The following RBFOX1 variants were observed in gnomAD, a reference collection of about 807,000 sequenced individuals.
The protein encoded by RBFOX1 is RNA binding protein fox-1 homolog 1.
Under a neutral mutation model 57.7 loss-of-function variants are expected in RBFOX1, and 8 were observed. The ratio of observed to expected loss-of-function variants is 0.14; its 90% confidence interval spans 0.08 to 0.25. RBFOX1 has a LOEUF of 0.25. RBFOX1 is among the 10% of genes least tolerant of loss of function. The pLI, the probability that RBFOX1 is intolerant of heterozygous loss-of-function variation, is 1.00. For synonymous variants in RBFOX1, 326 were observed against 222.4 expected (o/e 1.47, Z -4.15); for missense variants, 611 against 548.5 (o/e 1.11, Z -1.14).
chr16:5,643,414 C>T (rs1488068498), intron 3 of RBFOX1, among the ~76,000 whole-genome samples: 3 of 152,094 alleles, frequency 2.0e-5, no homozygotes, highest in Admixed American at 6.6e-5. Context: ...GTGGACTTGG[C>T]CCCATGTTCT....
chr16:7,017,922 A>G (rs1284150725), intron 3 of RBFOX1, among the ~76,000 whole-genome samples: 1 of 152,208 alleles, frequency 6.6e-6, no homozygotes, highest in Non-Finnish European at 1.5e-5. Context: ...CCAAAATGCT[A>G]TATTTGCAAA....
chr16:5,507,643 C>G (rs927761172), intron 2 of RBFOX1, among the ~76,000 whole-genome samples: 1 of 152,192 alleles, frequency 6.6e-6, no homozygotes, highest in East Asian at 1.9e-4. Flanking sequence ...GCAGTATAAT[C>G]CAGTTAAGAT....
At chr16:6,375,501 T>C (rs551832610) in intron 2 of RBFOX1, among the ~76,000 whole-genome samples, 1 of 152,194 alleles carries the variant, frequency 6.6e-6, no homozygotes, top group East Asian at 1.9e-4. Context: ...TGATCGTTTC[T>C]GGGCAGGGGG....
chr16:7,687,627 A>G (rs1192218443), intron 14 of RBFOX1, among the ~76,000 whole-genome samples: 5 of 152,054 alleles, frequency 3.3e-5, no homozygotes. Context: ...TAACAACAAG[A>G]ATAAACTGAT....
At chr16:7,050,386 C>T (rs1474938787) in intron 3 of RBFOX1, among the ~76,000 whole-genome samples, 1 of 151,662 alleles carries the variant, frequency 6.6e-6, no homozygotes, top group East Asian at 1.9e-4. Context: ...CTGCTTCAGC[C>T]AACTGAGTAG....
At chr16:7,461,076 G>C (rs1377937885) in intron 4 of RBFOX1, among the ~76,000 whole-genome samples, 1 of 152,088 alleles carries the variant, frequency 6.6e-6, no homozygotes, top group African/African-American at 2.4e-5. Flanking sequence ...TGTTTAGTTA[G>C]CTAAGAATAA....
intron 4 of RBFOX1, among the ~76,000 whole-genome samples, chr16:7,315,229 G>A (rs2096409892): frequency 6.6e-6 from 1 of 151,976 alleles, no homozygotes; most frequent in African/African-American, 2.4e-5. Flanking sequence ...AGGAGTTTGA[G>A]GGGGTAAAAC....
intron 1 of RBFOX1, among the ~76,000 whole-genome samples, chr16:5,267,705 A>G (rs140555620): frequency 1.3e-5 from 2 of 152,332 alleles, no homozygotes; most frequent in East Asian, 3.9e-4. Context: ...CTACTTCCAG[A>G]GTTCCCACTT....
At chr16:7,140,291 T>G (rs1458300572) in intron 4 of RBFOX1, among the ~76,000 whole-genome samples, 1 of 141,610 alleles carries the variant, frequency 7.1e-6, no homozygotes, top group Non-Finnish European at 1.5e-5. Flanking sequence ...TTTTTTTTAG[T>G]TTTTTAAAGG....
At chr16:6,560,871 A>G (rs917926190) in intron 2 of RBFOX1, among the ~76,000 whole-genome samples, 3 of 152,182 alleles carry the variant, frequency 2.0e-5, no homozygotes, top group African/African-American at 7.2e-5. Flanking sequence ...GTTGCTGTCC[A>G]ATAAATATTT....
chr16:6,043,120 GAAAAAAAAAAAAAAAAAAAAAAAAAAAAA>G (rs570358262), intron 1 of RBFOX1, among the ~76,000 whole-genome samples: 4 of 70,254 alleles, frequency 5.7e-5, no homozygotes, highest in Admixed American at 4.1e-4. Context: ...TGTGTTTCCA[GAAAAAAAAAAAAAAAAAAAAAAAAAAAAA>G]AAAAAAAAAA....
At chr16:7,688,429 C>T (rs1206716656) in intron 14 of RBFOX1, among the ~76,000 whole-genome samples, 1 of 151,952 alleles carries the variant, frequency 6.6e-6, no homozygotes, top group African/African-American at 2.4e-5. Context: ...GACTTAAAGA[C>T]AGTATTATTT....
intron 4 of RBFOX1, among the ~76,000 whole-genome samples, chr16:5,967,727 A>G (rs1329451164): frequency 1.3e-5 from 2 of 152,196 alleles, no homozygotes; most frequent in Admixed American, 1.3e-4. Context: ...ACAGGATGTT[A>G]TATAATTAGG....
chr16:6,800,961 C>T (rs555409334), intron 3 of RBFOX1, among the ~76,000 whole-genome samples: 7 of 152,170 alleles, frequency 4.6e-5, no homozygotes, highest in East Asian at 3.9e-4. Flanking sequence ...TCAAGGGTAT[C>T]TGACAACAGT....
chr16:6,832,006 TTAAA>T (rs1430174400), intron 3 of RBFOX1, among the ~76,000 whole-genome samples: 1 of 152,234 alleles, frequency 6.6e-6, no homozygotes, highest in Non-Finnish European at 1.5e-5. Flanking sequence ...GTATCACTAA[TTAAA>T]TAAAGTACTT....
At chr16:5,272,302 G>C (rs560168774) in intron 1 of RBFOX1, among the ~76,000 whole-genome samples, 1 of 152,152 alleles carries the variant, frequency 6.6e-6, no homozygotes, top group Non-Finnish European at 1.5e-5. Flanking sequence ...ATTGTATACA[G>C]ATATCAAAAC....
intron 7 of RBFOX1, among the ~76,000 whole-genome samples, chr16:7,593,715 T>G (rs538742124): frequency 6.6e-6 from 1 of 152,116 alleles, no homozygotes; most frequent in Admixed American, 6.5e-5. Context: ...GTGTGGCCTG[T>G]ATATATAGAG....
chr16:7,178,909 C>G (rs917523898), intron 4 of RBFOX1, among the ~76,000 whole-genome samples: 3 of 152,074 alleles, frequency 2.0e-5, no homozygotes, highest in Admixed American at 2.0e-4. Flanking sequence ...ATTTGGTTAA[C>G]AAGATCGTAA....
At chr16:6,520,928 T>A (rs2096485961) in intron 2 of RBFOX1, among the ~76,000 whole-genome samples, 1 of 152,094 alleles carries the variant, frequency 6.6e-6, no homozygotes, top group African/African-American at 2.4e-5. Context: ...TAACCAGTGT[T>A]GGAAAGAGTG....
Sources: gnomAD v4.1 joint callset for allele counts (sites outside exome capture counted in the v4.1 genomes callset) on GRCh38, gnomAD v4.1.1 for gene constraint, MANE v1.5 for transcripts, NCBI Gene and HGNC (gene_info 2026-07-23, HGNC 2026-07-21) for gene names.